SLC9A9: variants seen among roughly 807,000 people sequenced by gnomAD.
SLC9A9 encodes the protein solute carrier family 9 member A9.
A neutral mutation model predicts 77.8 loss-of-function variants in SLC9A9; 62 were observed. That is an observed-to-expected ratio of 0.80 (90% CI 0.65 to 0.98). The LOEUF (loss-of-function observed/expected upper bound fraction) is 0.98. Ranked by LOEUF, SLC9A9 falls within the 50% of genes least tolerant of loss-of-function variation. SLC9A9 has a pLI of 0.00. For missense variants in SLC9A9, 775 were observed against 774.9 expected (o/e 1.00, Z 0.00); for synonymous variants, 320 against 283.5 (o/e 1.13, Z -1.29).
intron 1 of SLC9A9, among the ~76,000 whole-genome samples, chr3:143,843,977 C>G (rs1033649941): frequency 6.6e-6 from 1 of 152,060 alleles, no homozygotes; most frequent in South Asian, 2.1e-4. Context: ...AATAGATTAC[C>G]CATTACTGTT....
At chr3:143,559,389 C>T (rs10513210) in intron 8 of SLC9A9, among the ~76,000 whole-genome samples, 15,109 of 152,150 alleles carry the variant, frequency 0.099, 1,017 homozygotes, top group African/African-American at 0.19. Flanking sequence ...GTAGCTACTG[C>T]GACGTGTAAG....
intron 14 of SLC9A9, among the ~76,000 whole-genome samples, chr3:143,354,469 A>C (rs947453610): frequency 2.6e-5 from 4 of 152,192 alleles, no homozygotes; most frequent in African/African-American, 9.7e-5. Context: ...CATGCAGACA[A>C]ATGCTGGATA....
intron 14 of SLC9A9, chr3:143,314,475 T>TTG (rs1239998826): frequency 6.6e-6 from 1 of 152,244 alleles, no homozygotes; most frequent in Non-Finnish European, 1.5e-5. Context: ...TGAAAGGGGA[T>TTG]TGTGTGAGTG....
chr3:143,471,074 CAATGTT>C (rs1204723134), intron 11 of SLC9A9, among the ~76,000 whole-genome samples: 1 of 152,126 alleles, frequency 6.6e-6, no homozygotes, highest in Non-Finnish European at 1.5e-5. Context: ...GATGCCTTCT[CAATGTT>C]ATAACCACCT....
chr3:143,457,937 A>T (rs568857907), intron 12 of SLC9A9, among the ~76,000 whole-genome samples: 1 of 152,136 alleles, frequency 6.6e-6, no homozygotes, highest in Non-Finnish European at 1.5e-5. Flanking sequence ...TGTTCTATAA[A>T]TGTCAATTAA....
intron 11 of SLC9A9, among the ~76,000 whole-genome samples, chr3:143,478,006 C>T (rs564728107): frequency 1.6e-4 from 25 of 152,330 alleles, no homozygotes; most frequent in Middle Eastern, 3.4e-3. Context: ...TAGCTCTGCC[C>T]CTTTCTCCAG....
intron 12 of SLC9A9, among the ~76,000 whole-genome samples, chr3:143,456,050 T>G (rs2035085567): frequency 6.6e-6 from 1 of 152,080 alleles, no homozygotes; most frequent in Non-Finnish European, 1.5e-5. Flanking sequence ...TAAGTTTTTT[T>G]AGATGTCTTT....
intron 12 of SLC9A9, among the ~76,000 whole-genome samples, chr3:143,435,057 G>C (rs1168765456): frequency 6.6e-6 from 1 of 152,040 alleles, no homozygotes; most frequent in Non-Finnish European, 1.5e-5. Context: ...CCATCAGCTG[G>C]GGGAAAATGG....
chr3:143,418,023 G>A (rs2034229110), intron 12 of SLC9A9, among the ~76,000 whole-genome samples: 1 of 151,726 alleles, frequency 6.6e-6, no homozygotes, highest in Non-Finnish European at 1.5e-5. Flanking sequence ...GACCTAGCAA[G>A]AGAGTCTGTT....
At chr3:143,697,001 G>T (rs1933659749) in intron 4 of SLC9A9, among the ~76,000 whole-genome samples, 1 of 151,862 alleles carries the variant, frequency 6.6e-6, no homozygotes, top group Non-Finnish European at 1.5e-5. Flanking sequence ...TGTACCAAAA[G>T]ATGTGAATTT....
chr3:143,703,621 A>C (rs894914235), intron 4 of SLC9A9, among the ~76,000 whole-genome samples: 2 of 152,132 alleles, frequency 1.3e-5, no homozygotes, highest in Non-Finnish European at 2.9e-5. Flanking sequence ...AAGAAAAAAA[A>C]CTTCAAATAA....
intron 11 of SLC9A9, among the ~76,000 whole-genome samples, chr3:143,482,457 A>G (rs530618422): frequency 6.6e-6 from 1 of 152,340 alleles, no homozygotes; most frequent in East Asian, 1.9e-4. Context: ...ATGCCTTCTC[A>G]AAAGTGCAGC....
rs182227335 is a variant in SLC9A9, at chr3:143,839,999, A to G, written c.176-7778T>C. Among the ~76,000 whole-genome samples, 661 of 152,282 alleles carry G rather than the reference A, an allele frequency of 4.3e-3. 2 individuals are homozygous for G. The highest frequency in any genetic ancestry group is 7.3e-3 in the Non-Finnish European group (497 of 68,018). On this transcript the variant is annotated intron_variant, in intron 1 of 15. Transcript: ENST00000316549. ...ATGGGATAAGAAAGAAATAAGAGAAAACAGAGGAAATGAAACTAGGCACTA... is the reference window on the plus strand; with the variant it reads ...ATGGGATAAGAAAGAAATAAGAGAAGACAGAGGAAATGAAACTAGGCACTA...
intron 14 of SLC9A9, among the ~76,000 whole-genome samples, chr3:143,270,764 C>CA (rs1937874080): frequency 6.6e-6 from 1 of 152,022 alleles, no homozygotes; most frequent in Non-Finnish European, 1.5e-5. Flanking sequence ...CTGAAAAAGC[C>CA]AAAATAATGT....
chr3:143,374,234 G>A (rs946496403), intron 13 of SLC9A9, among the ~76,000 whole-genome samples: 1 of 151,858 alleles, frequency 6.6e-6, no homozygotes, highest in African/African-American at 2.4e-5. Context: ...GACCATCCTG[G>A]CTAACATGGT....
intron 4 of SLC9A9, among the ~76,000 whole-genome samples, chr3:143,708,776 T>C (rs1934064086): frequency 1.3e-5 from 2 of 152,220 alleles, no homozygotes; most frequent in African/African-American, 4.8e-5. Flanking sequence ...ATGTACCCAT[T>C]ACCCAGTCCT....
chr3:143,654,170 A>G (rs939606806), intron 5 of SLC9A9, among the ~76,000 whole-genome samples: 1 of 152,250 alleles, frequency 6.6e-6, no homozygotes, highest in African/African-American at 2.4e-5. Flanking sequence ...CATGCGAGGT[A>G]ATACATATAT....
At chr3:143,626,016 T>G (rs527287126) in intron 6 of SLC9A9, among the ~76,000 whole-genome samples, 45 of 152,222 alleles carry the variant, frequency 3.0e-4, no homozygotes, top group African/African-American at 1.0e-3. Flanking sequence ...CAGGAAAAAA[T>G]GCTCATCATC....
At chr3:143,720,459 G>T (rs947312887) in intron 4 of SLC9A9, among the ~76,000 whole-genome samples, 1 of 152,202 alleles carries the variant, frequency 6.6e-6, no homozygotes, top group African/African-American at 2.4e-5. Context: ...AATACAGTTG[G>T]CTGCCAATGC....
Sources: allele counts gnomAD v4.1 joint callset (sites outside exome capture counted in the v4.1 genomes callset), GRCh38; gene constraint gnomAD v4.1.1; transcripts MANE v1.5; gene names NCBI Gene and HGNC (gene_info 2026-07-23, HGNC 2026-07-21).